The following DLGAP5 variants were observed in gnomAD, a reference collection of about 807,000 sequenced individuals.
DLGAP5 encodes the protein DLG associated protein 5.
Under a neutral mutation model 99.6 loss-of-function variants are expected in DLGAP5, and 90 were observed. The observed-to-expected ratio is 0.90, with a 90% confidence interval of 0.76 to 1.08. DLGAP5 has a LOEUF of 1.08. DLGAP5 is among the 50% of genes least tolerant of loss of function. The probability of loss-of-function intolerance (pLI) is 0.00; values close to 1 mark genes in which losing one functional copy is unlikely to be tolerated. For missense variants in DLGAP5, 1,036 were observed against 983.5 expected (o/e 1.05, Z -0.71); for synonymous variants, 311 against 321.3 (o/e 0.97, Z 0.34).
chr14:55,167,523 C>T (rs78908544), intron 12 of DLGAP5, among the ~76,000 whole-genome samples: 4,048 of 152,196 alleles, frequency 0.027, 175 homozygotes, highest in African/African-American at 0.093. Flanking sequence ...AATTGTTTTG[C>T]TTTTTGTTTG....
At chr14:55,173,533 G>A (rs1458436492) in intron 10 of DLGAP5, among the ~76,000 whole-genome samples, 2 of 152,006 alleles carry the variant, frequency 1.3e-5, no homozygotes, top group Non-Finnish European at 2.9e-5. Flanking sequence ...TATTTGATTT[G>A]CAAACAGAAT....
At chr14:55,174,617 C>T (rs967159618) in intron 10 of DLGAP5, among the ~76,000 whole-genome samples, 5 of 152,146 alleles carry the variant, frequency 3.3e-5, no homozygotes, top group Non-Finnish European at 5.9e-5. Flanking sequence ...ACTTCTCAAG[C>T]TGGCCAATGC....
chr14:55,187,675 G>C (rs1365278287), intron 2 of DLGAP5, among the ~76,000 whole-genome samples: 1 of 151,354 alleles, frequency 6.6e-6, no homozygotes, highest in Non-Finnish European at 1.5e-5. Context: ...GCCGAGGCCA[G>C]AGTGCAGTGA....
intron 1 of DLGAP5, among the ~76,000 whole-genome samples, chr14:55,190,914 GACA>G (rs560129355): frequency 3.4e-4 from 52 of 152,260 alleles, no homozygotes; most frequent in African/African-American, 1.2e-3. Context: ...AGCGAGCGAG[GACA>G]ACATTAAAGG....
chr14:55,158,471 T>C (rs1290749793), intron 14 of DLGAP5, 51 bp downstream of exon 14: 2 of 1,498,526 alleles, frequency 1.3e-6, no homozygotes, highest in Non-Finnish European at 1.8e-6. Context: ...AATATTTCTC[T>C]TAAGTAGTCT....
chr14:55,163,772 G>A (rs1389599644), intron 12 of DLGAP5, among the ~76,000 whole-genome samples: 1 of 152,216 alleles, frequency 6.6e-6, no homozygotes, highest in Non-Finnish European at 1.5e-5. Context: ...GTTCACTAAT[G>A]ACATATGATG....
In DLGAP5 at chr14:55,171,183, T is replaced by C. The variant is rs147754504; in HGVS notation, c.1302-396A>G. On this transcript the variant is annotated intron_variant, in intron 10 of 18. Coordinates refer to ENST00000247191, the MANE Select transcript of DLGAP5 (RefSeq NM_014750.5). ...GTAAATTAAAGCTAAAAACTGTTAA[T>C]CCCAGGATTATAGTGATGGGGCCTC... Among the ~76,000 whole-genome samples the C allele has an allele frequency of 3.9e-3, 598 of 152,328 alleles. 1 individual carries two copies. The highest frequency in any genetic ancestry group is 0.014 in the African/African-American group (572 of 41,588).
chr14:55,165,073 A>G (rs1566498730), intron 12 of DLGAP5, among the ~76,000 whole-genome samples: 1 of 152,216 alleles, frequency 6.6e-6, no homozygotes. Context: ...TTTATCCAGA[A>G]TACATAAAGA....
chr14:55,153,666 C>A lies in DLGAP5; in HGVS notation c.2063+951G>T, dbSNP rs142153651. On this transcript the variant is annotated intron_variant, in intron 15 of 18. Transcript: ENST00000247191. ...CAAAGTTGCTTATTTGTATGATGCCCTTTGAGGATGTTTTGGGGAATCCAA... is the reference window on the plus strand; with the variant it reads ...CAAAGTTGCTTATTTGTATGATGCCATTTGAGGATGTTTTGGGGAATCCAA... Among the ~76,000 whole-genome samples, 24 of 152,168 alleles carry A rather than the reference C, an allele frequency of 1.6e-4. 1 individual carries two copies. In the East Asian group the frequency reaches 4.4e-3, roughly 28 times the overall value.
rs901436348 is a variant in DLGAP5 at position 55,154,801 on chromosome 14, A to G, written c.1879T>C (p.Ser627Pro). ...ESPVKLFSGL[S>P]VSSEGPSQRL... Reference sequence around the variant, plus strand: ...TGAGAAGGGCCTTCAGAAGAGACAGAAAGTCCTAGAAGATGAGAGAAATCA... The same window carrying G: ...TGAGAAGGGCCTTCAGAAGAGACAGGAAGTCCTAGAAGATGAGAGAAATCA... The change falls in exon 15 of 19, where the codon TCT becomes CCT. Residue 627 changes from serine (S) to proline (P), a missense_variant. Transcript: ENST00000247191. 1.9e-6 allele frequency: 3 copies of G among 1,613,714 alleles called. No individual in the cohort carries two copies. The highest frequency in any genetic ancestry group is 2.5e-6 in the Non-Finnish European group (3 of 1,179,894).
chr14:55,170,655 C>T (rs1566501514), intron 11 of DLGAP5, 47 bp downstream of exon 11: 1 of 1,440,230 alleles, frequency 6.9e-7, no homozygotes, highest in Non-Finnish European at 9.7e-7. Flanking sequence ...TAAACGTAAC[C>T]ATAGTAAAAG....
At position 55,189,772 on chromosome 14, in the gene DLGAP5, G is replaced by T. The variant is rs182754934; in HGVS notation, c.-1-592C>A. 6.2e-4 allele frequency among the ~76,000 whole-genome samples: 94 copies of T among 152,252 alleles called. 1 individual carries two copies. Among genetic ancestry groups the T allele is most frequent in the Non-Finnish European group, 9.8e-4 (67 of 68,028 alleles). On this transcript the variant is annotated intron_variant, in intron 1 of 18. Coordinates refer to ENST00000247191, the MANE Select transcript of DLGAP5 (RefSeq NM_014750.5). ...GAACCTTCATGTATTCACCTAAGAAGCTCTCCAAACACAGGTGTTTTTTTT... is the reference window on the plus strand; with the variant it reads ...GAACCTTCATGTATTCACCTAAGAATCTCTCCAAACACAGGTGTTTTTTTT...
At chr14:55,179,501 G>A in intron 7 of DLGAP5, 128 bp downstream of exon 7, 1 of 636,720 alleles carries the variant, frequency 1.6e-6, no homozygotes, top group East Asian at 3.1e-5. Context: ...CTTTCTTATG[G>A]TTCAGGAAGT....
chr14:55,169,403 A>G lies in DLGAP5; in HGVS notation c.1544T>C (p.Phe515Ser). 1 of 1,533,310 alleles carries G rather than the reference A, an allele frequency of 6.5e-7. No individual in the cohort carries two copies. Among genetic ancestry groups the G allele is most frequent in the Non-Finnish European group, 8.7e-7 (1 of 1,147,134 alleles). The allele number at this position is 1,533,310 out of a possible 1,614,324, so 95.0% of individuals were successfully genotyped here. A position where few individuals can be genotyped will look rare whatever the true frequency, so the allele number is the denominator to read the frequency against. Residue 515 changes from phenylalanine (F) to serine (S), a missense_variant, in exon 12 of 19, where the codon TTT becomes TCT. Phe to Ser is a radical substitution (Grantham distance 155). Coordinates refer to ENST00000247191, the MANE Select transcript of DLGAP5 (RefSeq NM_014750.5). ...DLDGFWDMVS[F>S]QIEDVIHKFN... is the part of the protein sequence containing the mutation. ...TTGAAATATTGAACCACATACCTGAAAACTAACCATATCCCAAAATCCATC... is the reference window on the plus strand; with the variant it reads ...TTGAAATATTGAACCACATACCTGAGAACTAACCATATCCCAAAATCCATC...
rs200979225 is a variant in DLGAP5, at chr14:55,180,739, C to T, written c.620G>A (p.Arg207Gln). ...CTGCTTTGCTGCTTGAGTAGCTGAT[C>T]GAGTCATTCTCAACGACGTGGGCAT... ...PVMPTSLRMT[R>Q]SATQAAKQVP... Residue 207 changes from arginine (R) to glutamine (Q), a missense_variant, in exon 6 of 19, where the codon CGA becomes CAA. By Grantham distance (43) the Arg-to-Gln change is conservative (BLOSUM62 1). Transcript: ENST00000247191. 91 of 1,613,978 alleles carry T rather than the reference C, an allele frequency of 5.6e-5. No individual in the cohort carries two copies. In the East Asian group the frequency reaches 1.6e-3, roughly 29 times the overall value.
chr14:55,183,023 G>A (rs941299543), intron 3 of DLGAP5, among the ~76,000 whole-genome samples: 1 of 152,066 alleles, frequency 6.6e-6, no homozygotes, highest in East Asian at 1.9e-4. Context: ...TAGCAGCAGA[G>A]CTTCTCTCTG....
intron 4 of DLGAP5, among the ~76,000 whole-genome samples, chr14:55,182,000 G>A (rs1307901313): frequency 3.3e-5 from 5 of 152,124 alleles, no homozygotes; most frequent in Non-Finnish European, 4.4e-5. Flanking sequence ...ACTTCACTTT[G>A]TTTTAGTAAC....
At chr14:55,184,469 T>C (rs772693266) in intron 2 of DLGAP5, among the ~76,000 whole-genome samples, 5 of 152,244 alleles carry the variant, frequency 3.3e-5, no homozygotes, top group African/African-American at 4.8e-5. Flanking sequence ...ACTTGTATGA[T>C]AGCCAGCATC....
chr14:55,170,612 A>C (rs528213111), intron 11 of DLGAP5, 90 bp downstream of exon 11: 1 of 1,129,418 alleles, frequency 8.9e-7, no homozygotes, highest in South Asian at 1.4e-5. Flanking sequence ...TGAAACAATA[A>C]AGTTAGGCAA....
Sources: gnomAD v4.1 joint callset for allele counts (sites outside exome capture counted in the v4.1 genomes callset) on GRCh38, gnomAD v4.1.1 for gene constraint, MANE v1.5 for transcripts, NCBI Gene and HGNC (gene_info 2026-07-23, HGNC 2026-07-21) for gene names.